AP1G1: variants seen among roughly 807,000 people sequenced by gnomAD.
AP1G1 encodes AP-1 complex subunit gamma-1.
AP1G1 carries 7 observed loss-of-function variants against 108.3 expected under a neutral mutation model. The observed-to-expected ratio is 0.06, with a 90% CI of 0.04 to 0.12. The LOEUF (loss-of-function observed/expected upper bound fraction) is 0.12, where lower values mean the gene tolerates loss of function less well. AP1G1 is among the 10% of genes least tolerant of loss of function. AP1G1 has a pLI of 1.00. For missense variants in AP1G1, 756 were observed against 1,010.7 expected, an observed-to-expected ratio of 0.75 and a Z score of 3.42; for synonymous variants, 379 against 353.5, an observed-to-expected ratio of 1.07 and a Z score of -0.81.
At chr16:71,774,667 C>G in intron 2 of AP1G1, 75 bp from the exon 3 acceptor site, 1 of 1,455,550 alleles carries the variant, frequency 6.9e-7, no homozygotes, top group Admixed American at 2.4e-5. Flanking sequence ...GTTTTTAACC[C>G]AGAGTCCCCA....
At chr16:71,807,976 A>C in intron 1 of AP1G1, 1 of 1,236,850 alleles carries the variant, frequency 8.1e-7, no homozygotes. Flanking sequence ...AAAGCCATTT[A>C]ATCTGCTTCA....
chr16:71,751,603 C>A (rs2030512446), intron 13 of AP1G1, among the ~76,000 whole-genome samples: 1 of 151,892 alleles, frequency 6.6e-6, no homozygotes, highest in Admixed American at 6.6e-5. Context: ...AGGTAATTTG[C>A]AGTATAGTTT....
At chr16:71,777,378 A>G (rs1284442988) in intron 2 of AP1G1, among the ~76,000 whole-genome samples, 1 of 151,882 alleles carries the variant, frequency 6.6e-6, no homozygotes, top group East Asian at 1.9e-4. Flanking sequence ...CCAGCTGGGG[A>G]GCTCAGATGG....
intron 2 of AP1G1, among the ~76,000 whole-genome samples, chr16:71,776,444 G>A (rs2145495169): frequency 6.6e-6 from 1 of 152,270 alleles, no homozygotes. Context: ...TTCTGAAACA[G>A]AAGTTGATGA....
intron 2 of AP1G1, among the ~76,000 whole-genome samples, chr16:71,785,353 A>G (rs1484104010): frequency 6.7e-6 from 1 of 150,290 alleles, no homozygotes; most frequent in African/African-American, 2.5e-5. Flanking sequence ...AAGACGGTGG[A>G]TCATTTGAGG....
At chr16:71,750,825 T>C (rs1384800493) in intron 13 of AP1G1, among the ~76,000 whole-genome samples, 1 of 152,176 alleles carries the variant, frequency 6.6e-6, no homozygotes. Context: ...TTTAAATATG[T>C]TACATTTTTA....
intron 1 of AP1G1, among the ~76,000 whole-genome samples, chr16:71,807,383 G>C (rs2033031354): frequency 6.6e-6 from 1 of 152,238 alleles, no homozygotes; most frequent in African/African-American, 2.4e-5. Context: ...AGTGAGCCGA[G>C]ACCGTGCCAC....
At chr16:71,785,197 A>C (rs1567659558) in intron 2 of AP1G1, among the ~76,000 whole-genome samples, 2 of 152,050 alleles carry the variant, frequency 1.3e-5, no homozygotes, top group African/African-American at 4.8e-5. Flanking sequence ...AAAAAGAAAT[A>C]GCTGAACTGT....
At chr16:71,747,141 T>C (rs2030222513) in intron 16 of AP1G1, 1 of 152,324 alleles carries the variant, frequency 6.6e-6, no homozygotes, top group South Asian at 2.1e-4. Context: ...TAAAAGTAAT[T>C]CAATACCATT....
intron 2 of AP1G1, among the ~76,000 whole-genome samples, chr16:71,776,462 C>A (rs1330954332): frequency 6.6e-6 from 1 of 152,178 alleles, no homozygotes; most frequent in Non-Finnish European, 1.5e-5. Flanking sequence ...TGAAAGTCAT[C>A]TTTACAATGT....
At chr16:71,806,717 G>GT (rs2033009746) in intron 1 of AP1G1, 1 of 1,288,098 alleles carries the variant, frequency 7.8e-7, no homozygotes, top group Admixed American at 2.3e-5. Context: ...GGTGTTCAGT[G>GT]TTTGACAGTT....
intron 3 of AP1G1, 118 bp downstream of exon 3, chr16:71,774,350 G>A (rs2031694766): frequency 6.3e-6 from 7 of 1,110,794 alleles, no homozygotes; most frequent in Non-Finnish European, 6.4e-6. Context: ...GATGCAGTGA[G>A]TCAAGATCAC....
rs2045462662 is a variant in AP1G1 at position 71,729,976 on chromosome 16, G to T, written c.*3082C>A. The T allele has an allele frequency of 6.6e-6, 1 of 152,462 alleles. No individual in the cohort carries two copies. The highest frequency in any genetic ancestry group is 2.4e-5 in the African/African-American group (1 of 41,432). The allele number at this position is 152,462 out of a possible 1,614,324, so 9.4% of individuals were successfully genotyped here. On this transcript the variant is annotated 3_prime_UTR_variant, in exon 23 of 23. Transcript: ENST00000299980. ...TTCTACGACATAAAAAAAATGGGAA[G>T]CATGTTATATAAACCATTAGTGTTG...
At chr16:71,804,887 A>C (rs940473917) in intron 1 of AP1G1, among the ~76,000 whole-genome samples, 3 of 152,138 alleles carry the variant, frequency 2.0e-5, no homozygotes, top group Non-Finnish European at 4.4e-5. Context: ...ACATGCCTAC[A>C]GTCCCAGCTA....
At chr16:71,794,043 T>C (rs537039674) in intron 1 of AP1G1, among the ~76,000 whole-genome samples, 1 of 152,348 alleles carries the variant, frequency 6.6e-6, no homozygotes, top group East Asian at 1.9e-4. Flanking sequence ...TAAAAAGACC[T>C]TGATTCTCCA....
intron 21 of AP1G1, 88 bp downstream of exon 21, chr16:71,738,854 T>G: frequency 8.1e-7 from 1 of 1,234,956 alleles, no homozygotes; most frequent in Non-Finnish European, 1.1e-6. Context: ...TCTGTAAACA[T>G]TAAAACATAT....
intron 1 of AP1G1, chr16:71,806,862 T>C: frequency 2.6e-6 from 1 of 384,352 alleles, no homozygotes; most frequent in East Asian, 9.6e-5. Flanking sequence ...AATATTGTTT[T>C]CTTCTGAGAC....
At chr16:71,787,899 G>A (rs1390001852) in intron 2 of AP1G1, among the ~76,000 whole-genome samples, 1 of 152,176 alleles carries the variant, frequency 6.6e-6, no homozygotes, top group African/African-American at 2.4e-5. Context: ...ATGCTATTAT[G>A]ACACTAATTC....
At chr16:71,753,982 G>T in intron 12 of AP1G1, 95 bp from the exon 13 acceptor site, 1 of 1,184,072 alleles carries the variant, frequency 8.4e-7, no homozygotes, top group Non-Finnish European at 1.2e-6. Flanking sequence ...ACTCACACCT[G>T]TCATCCCAAC....
Sources: gnomAD v4.1 joint callset for allele counts (sites outside exome capture counted in the v4.1 genomes callset) on GRCh38, gnomAD v4.1.1 for gene constraint, MANE v1.5 for transcripts, NCBI Gene and HGNC (gene_info 2026-07-23, HGNC 2026-07-21) for gene names.